The following EML6 variants were observed in gnomAD, a reference collection of about 807,000 sequenced individuals.
EML6 encodes EMAP like 6.
EML6 carries 154 observed loss-of-function variants against 240.1 expected under a neutral mutation model. That is an observed-to-expected ratio of 0.64 (90% CI 0.56 to 0.73). The LOEUF (loss-of-function observed/expected upper bound fraction) is 0.73. Ranked by LOEUF, EML6 falls within the 30% of genes least tolerant of loss-of-function variation. The pLI is 0.00. For missense variants in EML6, 2,964 were observed against 2,474.6 expected, an observed-to-expected ratio of 1.20 and a Z score of -4.20; for synonymous variants, 1,148 against 899.0, an observed-to-expected ratio of 1.28 and a Z score of -4.95.
Position 54,964,002 on chromosome 2 carries a change from T to C in EML6, c.5174T>C (p.Val1725Ala). 1.3e-6 allele frequency: 2 copies of C among 1,550,290 alleles called. No homozygotes were observed. Among genetic ancestry groups the C allele is most frequent in the South Asian group, 2.4e-5 (2 of 83,842 alleles). The change falls in exon 37 of 42, where the codon GTG becomes GCG. Residue 1725 changes from valine to alanine, a missense_variant. Transcript: ENST00000356458. ...DLADKKLLNK[V>A]SLGHAARCAA... ...TCAATGTAGAAGCTGTTAAACAAGG[T>C]GAGCTTGGGCCATGCGGCCAGGTGT...
chr2:54,907,082 C>A (rs115058615), intron 24 of EML6, among the ~76,000 whole-genome samples: 1 of 152,054 alleles, frequency 6.6e-6, no homozygotes, highest in East Asian at 1.9e-4. Flanking sequence ...CATCAGCTAC[C>A]CCTGAATGAA....
At chr2:54,950,405 G>A (rs934250242) in intron 29 of EML6, among the ~76,000 whole-genome samples, 1 of 152,196 alleles carries the variant, frequency 6.6e-6, no homozygotes, top group South Asian at 2.1e-4. Flanking sequence ...GTAAATCTGG[G>A]TTTTTTGGAA....
intron 30 of EML6, 146 bp from the exon 31 acceptor site, chr2:54,952,448 C>T: frequency 1.8e-6 from 1 of 571,030 alleles, no homozygotes; most frequent in Non-Finnish European, 3.1e-6. Flanking sequence ...TTCATCTCCC[C>T]AAGTGTGATT....
chr2:54,939,239 C>T (rs145778367), intron 28 of EML6, among the ~76,000 whole-genome samples: 167 of 152,356 alleles, frequency 1.1e-3, no homozygotes, highest in Admixed American at 3.5e-3. Context: ...ATCCTTCCAG[C>T]GCTCAGGCTG....
At position 54,779,991 on chromosome 2, in the gene EML6, C is replaced by G. The variant is rs188192735; in HGVS notation, c.198-33241C>G. On this transcript the variant is annotated intron_variant, in intron 2 of 41. Transcript: ENST00000356458. ...ATGATTGTAAAACCTTCAAATGATA[C>G]GGAAATGTACAATAATACAGAGTTA... 2.0e-5 allele frequency among the ~76,000 whole-genome samples: 3 copies of G among 151,548 alleles called. No individual in the cohort carries two copies. In the East Asian group the frequency reaches 5.8e-4, roughly 29 times the overall value.
At chr2:54,964,303 C>T (rs1200140443) in intron 37 of EML6, 145 bp downstream of exon 37, 11 of 808,586 alleles carry the variant, frequency 1.4e-5, no homozygotes, top group Non-Finnish European at 1.9e-5. Flanking sequence ...ATACCTTCTC[C>T]CACTCTCACT....
chr2:54,964,229 G>T, intron 37 of EML6, 71 bp downstream of exon 37: 2 of 1,461,316 alleles, frequency 1.4e-6, no homozygotes, highest in Non-Finnish European at 1.8e-6. Context: ...TCCCATTCCA[G>T]CCACGGCTGG....
chr2:54,957,354 G>GGA lies in EML6; in HGVS notation c.4487-436_4487-435insGA, dbSNP rs1310846319. On this transcript the variant is annotated intron_variant, in intron 32 of 41. Coordinates refer to ENST00000356458, the MANE Select transcript of EML6 (RefSeq NM_001039753.4). ...TAAAGAAAATGCAGGAGAATCTTAG[G>GGA]AAAAAAAAAAAAAAAAAAGCTCTCT... is the stretch of plus-strand genomic sequence containing the variant. 1.0e-4 allele frequency among the ~76,000 whole-genome samples: 11 copies of GGA among 106,472 alleles called. No individual in the cohort carries two copies. The South Asian group carries it at 3.9e-3, about 38-fold the overall frequency. 69.8% of individuals were successfully genotyped at this position (106,472 alleles called of 152,430 possible). A position where few individuals can be genotyped will look rare whatever the true frequency, so the allele number is the denominator to read the frequency against.
chr2:54,925,624 T>C (rs1234758919), intron 26 of EML6, among the ~76,000 whole-genome samples: 6 of 152,220 alleles, frequency 3.9e-5, no homozygotes, highest in Non-Finnish European at 7.3e-5. Flanking sequence ...TTCAGTTTTA[T>C]AGGTTAAAGC....
chr2:54,930,787 T>G (rs995060380), intron 28 of EML6, among the ~76,000 whole-genome samples: 1 of 151,576 alleles, frequency 6.6e-6, no homozygotes, highest in African/African-American at 2.4e-5. Context: ...GGGAGCAGAG[T>G]GGGGCCCTGC....
chr2:54,819,108 G>C (rs1017355720), intron 4 of EML6, among the ~76,000 whole-genome samples: 2 of 152,170 alleles, frequency 1.3e-5, no homozygotes, highest in South Asian at 4.1e-4. Flanking sequence ...ATGGATACTT[G>C]GACCAAGTAC....
intron 8 of EML6, 40 bp from the exon 9 acceptor site, chr2:54,847,446 A>T: frequency 1.3e-6 from 2 of 1,541,024 alleles, no homozygotes; most frequent in Non-Finnish European, 1.8e-6. Flanking sequence ...GACCATGGGA[A>T]GTTGGTTTTG....
intron 2 of EML6, among the ~76,000 whole-genome samples, chr2:54,730,685 G>A (rs1386126661): frequency 6.6e-6 from 1 of 152,190 alleles, no homozygotes; most frequent in African/African-American, 2.4e-5. Context: ...GCTTTTGACG[G>A]AAGCTTATAA....
intron 41 of EML6, among the ~76,000 whole-genome samples, chr2:54,969,623 A>T (rs982800616): frequency 3.9e-5 from 6 of 152,226 alleles, no homozygotes; most frequent in African/African-American, 1.4e-4. Context: ...AATGCAGGGG[A>T]TACAGACTTG....
At chr2:54,889,257 G>A (rs770588297) in intron 17 of EML6, among the ~76,000 whole-genome samples, 5 of 151,802 alleles carry the variant, frequency 3.3e-5, no homozygotes, top group African/African-American at 7.3e-5. Flanking sequence ...TTCTGTTTCC[G>A]TTTTCCTGGT....
chr2:54,808,280 C>T (rs1489718274), intron 2 of EML6, among the ~76,000 whole-genome samples: 7 of 152,218 alleles, frequency 4.6e-5, no homozygotes, highest in Non-Finnish European at 7.3e-5. Context: ...GTTCCACTAC[C>T]TCCAGGCCAC....
intron 2 of EML6, among the ~76,000 whole-genome samples, chr2:54,786,044 G>A (rs1253285126): frequency 6.6e-6 from 1 of 152,122 alleles, no homozygotes; most frequent in African/African-American, 2.4e-5. Context: ...AGCTAGAGGT[G>A]GAGCGGCCAC....
At chr2:54,938,207 A>G (rs1675249541) in intron 28 of EML6, among the ~76,000 whole-genome samples, 2 of 152,198 alleles carry the variant, frequency 1.3e-5, no homozygotes, top group South Asian at 2.1e-4. Context: ...TTAGCTAGGC[A>G]TGGTGGCGGG....
Position 54,758,194 on chromosome 2 carries a change from C to G in EML6, c.197+32936C>G, listed in dbSNP as rs1003764938. The stretch of plus-strand genomic sequence containing the variant: ...TAGATTTAAAATCTTTCCAGCTGTT[C>G]TATTGTTTTCAAGTCCTGAAGGGAG... On this transcript the variant is annotated intron_variant, in intron 2 of 41. Transcript: ENST00000356458. 1.9e-4 allele frequency among the ~76,000 whole-genome samples: 29 copies of G among 151,934 alleles called. 1 individual carries two copies. Among genetic ancestry groups the G allele is most frequent in the African/African-American group, 5.8e-4 (24 of 41,342 alleles).
Sources: gnomAD v4.1 joint callset for allele counts (sites outside exome capture counted in the v4.1 genomes callset) on GRCh38, gnomAD v4.1.1 for gene constraint, MANE v1.5 for transcripts, NCBI Gene and HGNC (gene_info 2026-07-23, HGNC 2026-07-21) for gene names.